Variants in NKAIN3 observed in about 807,000 individuals in gnomAD.
The protein encoded by NKAIN3 is sodium/potassium-transporting ATPase subunit beta-1-interacting protein 3.
A neutral mutation model predicts 30.2 loss-of-function variants in NKAIN3; 25 were observed. The ratio of observed to expected loss-of-function variants is 0.83; its 90% confidence interval spans 0.60 to 1.16. NKAIN3 has a LOEUF of 1.16. Ranked by LOEUF, NKAIN3 falls within the 50% of genes most tolerant of loss-of-function variation. NKAIN3 has a pLI of 0.00. For synonymous variants in NKAIN3, 91 were observed against 89.6 expected (o/e 1.02, Z -0.09); for missense variants, 225 against 254.1 (o/e 0.89, Z 0.78).
At chr8:62,419,778 G>A (rs938155861) in intron 1 of NKAIN3, among the ~76,000 whole-genome samples, 2 of 152,048 alleles carry the variant, frequency 1.3e-5, no homozygotes, top group African/African-American at 4.8e-5. Context: ...TCTGACTTTG[G>A]GAGAAATTCT....
intron 1 of NKAIN3, among the ~76,000 whole-genome samples, chr8:62,412,001 A>G (rs1804252758): frequency 6.6e-6 from 1 of 152,202 alleles, no homozygotes; most frequent in Admixed American, 6.5e-5. Flanking sequence ...TTACAGATTC[A>G]ATGCTATTAC....
intron 2 of NKAIN3, among the ~76,000 whole-genome samples, chr8:62,580,735 C>G (rs1810261174): frequency 6.6e-6 from 1 of 151,898 alleles, no homozygotes; most frequent in Non-Finnish European, 1.5e-5. Flanking sequence ...GCCTTGGGAG[C>G]ATTTGATAGC....
At chr8:62,388,778 G>A (rs556295283) in intron 1 of NKAIN3, among the ~76,000 whole-genome samples, 1 of 152,140 alleles carries the variant, frequency 6.6e-6, no homozygotes. Context: ...CGGGTCTCTG[G>A]GATTTCCATT....
At chr8:62,283,940 C>G (rs976896303) in intron 1 of NKAIN3, among the ~76,000 whole-genome samples, 4 of 152,070 alleles carry the variant, frequency 2.6e-5, no homozygotes, top group African/African-American at 9.7e-5. Context: ...AGAAATCATA[C>G]AACAGGCATC....
intron 1 of NKAIN3, among the ~76,000 whole-genome samples, chr8:62,343,054 C>T (rs1815803423): frequency 1.3e-5 from 2 of 151,940 alleles, no homozygotes; most frequent in Non-Finnish European, 2.9e-5. Flanking sequence ...TTTCCTTTTT[C>T]ATCATTATTA....
At chr8:62,877,688 A>G (rs1820841339) in intron 4 of NKAIN3, among the ~76,000 whole-genome samples, 2 of 152,144 alleles carry the variant, frequency 1.3e-5, no homozygotes, top group South Asian at 4.1e-4. Context: ...TCATTTTCCT[A>G]ATGGATAAAT....
chr8:62,619,454 C>T (rs1811557996), intron 3 of NKAIN3, among the ~76,000 whole-genome samples: 1 of 152,132 alleles, frequency 6.6e-6, no homozygotes, highest in African/African-American at 2.4e-5. Flanking sequence ...AACCAATTGC[C>T]AATCAGAAAA....
At chr8:62,555,946 A>T (rs535899242) in intron 1 of NKAIN3, among the ~76,000 whole-genome samples, 21 of 152,206 alleles carry the variant, frequency 1.4e-4, no homozygotes, top group African/African-American at 5.1e-4. Context: ...CTAATGGAAA[A>T]TGTCTAAAAG....
chr8:62,818,453 A>G (rs893591599), intron 4 of NKAIN3, among the ~76,000 whole-genome samples: 5 of 152,302 alleles, frequency 3.3e-5, no homozygotes, highest in African/African-American at 1.2e-4. Flanking sequence ...TACATGATGC[A>G]TGGAAAGCAT....
At chr8:62,376,814 TA>T (rs991476721) in intron 1 of NKAIN3, among the ~76,000 whole-genome samples, 3 of 152,106 alleles carry the variant, frequency 2.0e-5, no homozygotes, top group East Asian at 3.9e-4. Context: ...ATAGTAAATA[TA>T]AAAAAAACTT....
At chr8:62,938,062 A>G (rs1448252513) in intron 5 of NKAIN3, among the ~76,000 whole-genome samples, 1 of 152,054 alleles carries the variant, frequency 6.6e-6, no homozygotes, top group African/African-American at 2.4e-5. Flanking sequence ...GTCCAAAGAG[A>G]GGCTGAGCTC....
chr8:62,321,363 T>C (rs1407527528), intron 1 of NKAIN3, among the ~76,000 whole-genome samples: 1 of 152,260 alleles, frequency 6.6e-6, no homozygotes, highest in Non-Finnish European at 1.5e-5. Context: ...CTTTGTTCCA[T>C]TGCTGGTGAG....
At chr8:62,406,116 A>G (rs1804058323) in intron 1 of NKAIN3, among the ~76,000 whole-genome samples, 1 of 152,236 alleles carries the variant, frequency 6.6e-6, no homozygotes, top group African/African-American at 2.4e-5. Context: ...AAGTTTTTCC[A>G]AAGAGAAGTC....
chr8:62,525,294 G>GGGA (rs1234309731), intron 1 of NKAIN3, among the ~76,000 whole-genome samples: 1 of 152,078 alleles, frequency 6.6e-6, no homozygotes. Context: ...ATTGAGTAGT[G>GGGA]GGAGGAGGAG....
intron 1 of NKAIN3, among the ~76,000 whole-genome samples, chr8:62,308,886 AC>A (rs1814339156): frequency 6.6e-6 from 1 of 150,380 alleles, no homozygotes; most frequent in Admixed American, 6.6e-5. Context: ...TCATTGACCA[AC>A]GGGAGATCTA....
intron 4 of NKAIN3, among the ~76,000 whole-genome samples, chr8:62,796,191 C>A (rs1274498795): frequency 6.6e-6 from 1 of 151,744 alleles, no homozygotes. Flanking sequence ...CGAAACCAAA[C>A]TGGCCAACAG....
chr8:62,733,210 C>T (rs890970511), intron 3 of NKAIN3, among the ~76,000 whole-genome samples: 9 of 152,144 alleles, frequency 5.9e-5, no homozygotes, highest in African/African-American at 2.2e-4. Context: ...TCTTGCATGG[C>T]ACTGATGAGC....
chr8:62,454,898 C>G (rs1805765128), intron 1 of NKAIN3, among the ~76,000 whole-genome samples: 1 of 152,202 alleles, frequency 6.6e-6, no homozygotes, highest in African/African-American at 2.4e-5. Context: ...CTTTTTCTGT[C>G]CTGAAAGCGC....
At chr8:62,702,035 C>A (rs1394475354) in intron 3 of NKAIN3, among the ~76,000 whole-genome samples, 1 of 152,174 alleles carries the variant, frequency 6.6e-6, no homozygotes, top group African/African-American at 2.4e-5. Context: ...CGTTATGTAT[C>A]GTTTCCATCC....
Sources: allele counts gnomAD v4.1 joint callset (sites outside exome capture counted in the v4.1 genomes callset), GRCh38; gene constraint gnomAD v4.1.1; transcripts MANE v1.5; gene names NCBI Gene and HGNC (gene_info 2026-07-23, HGNC 2026-07-21).